KCNQ1OT1: variants seen among roughly 807,000 people sequenced by gnomAD.
KCNQ1OT1 encodes the protein KCNQ1 antisense RNA 2 (non-protein coding).
Position 2,668,431 on chromosome 11 carries a change from C to G in KCNQ1OT1, n.31564G>C, listed in dbSNP as rs1027937975. The G allele has an allele frequency of 7.5e-6, 3 of 398,520 alleles. No homozygotes were observed. The Admixed American group carries it at 1.3e-4, about 18-fold the overall frequency. The allele number at this position is 398,520 out of a possible 1,614,324, so 24.7% of individuals were successfully genotyped here. ...AATTTTCATTCCCACAGGCAGCATT[C>G]TGGCTGCTCCACATCCTAACACTTG... On this transcript the variant is annotated non_coding_transcript_exon_variant, in exon 1 of 1. Coordinates refer to ENST00000597346, the Ensembl canonical transcript of KCNQ1OT1. This position sits in a 1 kb window ranked among gnomAD's most constrained non-coding sequence, Gnocchi z 4.3.
Position 2,695,772 on chromosome 11 carries a change from C to T in KCNQ1OT1, n.4223G>A. The T allele has an allele frequency of 2.5e-6, 1 of 398,652 alleles. No individual in the cohort carries two copies. The highest frequency in any genetic ancestry group is 4.4e-6 in the Non-Finnish European group (1 of 226,070). The allele number at this position is 398,652 out of a possible 1,614,324, so 24.7% of individuals were successfully genotyped here. A position where few individuals can be genotyped will look rare whatever the true frequency, so the allele number is the denominator to read the frequency against. On this transcript the variant is annotated non_coding_transcript_exon_variant, in exon 1 of 1. Coordinates refer to ENST00000597346, the Ensembl canonical transcript of KCNQ1OT1. The surrounding 1 kb of genome is among the most constrained non-coding windows in gnomAD (Gnocchi z 5.2). Reference sequence around the variant, plus strand: ...CCTTCTGCCAACACTTGGCCTTATCCTACTTTCTAATGCTTCTCCTATGAA... The same window carrying T: ...CCTTCTGCCAACACTTGGCCTTATCTTACTTTCTAATGCTTCTCCTATGAA...
rs2133896867 is a variant in KCNQ1OT1, at chr11:2,695,256, C to G, written n.4739G>C. ...CTCTCTTCCTCTCCATGCTTTTCCA[C>G]TTCATCTCTAGCCTCTATCCTTGCT... On this transcript the variant is annotated non_coding_transcript_exon_variant, in exon 1 of 1. Coordinates refer to ENST00000597346, the Ensembl canonical transcript of KCNQ1OT1. This position sits in a 1 kb window ranked among gnomAD's most constrained non-coding sequence, Gnocchi z 5.2. 4 of 398,678 alleles carry G rather than the reference C, an allele frequency of 1.0e-5. No homozygotes were observed. The East Asian group carries it at 1.4e-4, about 14-fold the overall frequency. 24.7% of individuals were successfully genotyped at this position (398,678 alleles called of 1,614,324 possible).
At chr11:2,688,154 T>A (rs1850523777) in exon 1 of KCNQ1OT1, 1 of 398,472 alleles carries the variant, frequency 2.5e-6, no homozygotes, top group Non-Finnish European at 4.4e-6. Flanking sequence ...CCCACGCAGC[T>A]CCCTAGGCCT....
At chr11:2,619,725 T>G (rs1236745005) in exon 1 of KCNQ1OT1, 1 of 397,730 alleles carries the variant, frequency 2.5e-6, no homozygotes, top group African/African-American at 2.1e-5. Flanking sequence ...TTTTTTTTTT[T>G]GGAAGTATTC....
Position 2,651,690 on chromosome 11 carries a change from T to G in KCNQ1OT1, n.48305A>C, listed in dbSNP as rs1286211677. ...ATTAGCCACGTGGCCCTCTGTTTCC[T>G]GTAATAGGCCATTTCCTAAGTAAGC... is the stretch of plus-strand genomic sequence containing the variant. On this transcript the variant is annotated non_coding_transcript_exon_variant, in exon 1 of 1. Transcript: ENST00000597346. This position sits in a 1 kb window ranked among gnomAD's most constrained non-coding sequence, Gnocchi z 6.1. 2.5e-6 allele frequency: 1 copy of G among 398,552 alleles called. No individual in the cohort carries two copies. Among genetic ancestry groups the G allele is most frequent in the Non-Finnish European group, 4.4e-6 (1 of 226,082 alleles). The allele number at this position is 398,552 out of a possible 1,614,324, so 24.7% of individuals were successfully genotyped here.
rs1000383824 is a variant in KCNQ1OT1, at chr11:2,624,987, A to G, written n.75008T>C. 2.5e-6 allele frequency: 1 copy of G among 398,524 alleles called. No homozygotes were observed. Among genetic ancestry groups the G allele is most frequent in the Non-Finnish European group, 4.4e-6 (1 of 226,048 alleles). The allele number at this position is 398,524 out of a possible 1,614,324, so 24.7% of individuals were successfully genotyped here. A position where few individuals can be genotyped will look rare whatever the true frequency, so the allele number is the denominator to read the frequency against. On this transcript the variant is annotated non_coding_transcript_exon_variant, in exon 1 of 1. Transcript: ENST00000597346. This position sits in a 1 kb window ranked among gnomAD's most constrained non-coding sequence, Gnocchi z 4.9. ...CCACATTTTGCTTATCCATTCTTCC[A>G]TGGACATTTGGGTTGCATTGATGTT...
At chr11:2,631,139 T>C (rs1203726931) in exon 1 of KCNQ1OT1, 3 of 398,590 alleles carry the variant, frequency 7.5e-6, no homozygotes, top group African/African-American at 2.0e-5. Context: ...GCCCCAGATA[T>C]GGGAAGTTTT....
At chr11:2,681,327 C>T (rs1850392811) in exon 1 of KCNQ1OT1, 1 of 398,506 alleles carries the variant, frequency 2.5e-6, no homozygotes, top group Non-Finnish European at 4.4e-6. Context: ...CTCTCTCCAA[C>T]TGTGACCGTC....
chr11:2,697,748 A>G (rs760708798), exon 1 of KCNQ1OT1: 9 of 398,600 alleles, frequency 2.3e-5, no homozygotes, highest in Non-Finnish European at 4.0e-5. Flanking sequence ...TGTTTAATAC[A>G]TATTATTGGA....
exon 1 of KCNQ1OT1, chr11:2,643,171 G>T (rs1165426063): frequency 1.0e-5 from 4 of 398,102 alleles, no homozygotes; most frequent in Non-Finnish European, 1.8e-5. Flanking sequence ...ATGTCTGTTA[G>T]GTCCATTTGG....
At position 2,608,878 on chromosome 11, in the gene KCNQ1OT1, C is replaced by T. The variant is rs1848927554; in HGVS notation, n.91117G>A. 1 of 398,266 alleles carries T rather than the reference C, an allele frequency of 2.5e-6. No homozygotes were observed. The highest frequency in any genetic ancestry group is 4.4e-6 in the Non-Finnish European group (1 of 226,038). 24.7% of individuals were successfully genotyped at this position (398,266 alleles called of 1,614,324 possible). A position where few individuals can be genotyped will look rare whatever the true frequency, so the allele number is the denominator to read the frequency against. On this transcript the variant is annotated non_coding_transcript_exon_variant, in exon 1 of 1. Coordinates refer to ENST00000597346, the Ensembl canonical transcript of KCNQ1OT1. This position sits in a 1 kb window ranked among gnomAD's most constrained non-coding sequence, Gnocchi z 4.6. ...CTCTCCCCCTTTGCCTCATGCACTT[C>T]CCTCTCTGTCTTTCCTCCTCCCCCT...
chr11:2,648,465 T>C (rs759417391), exon 1 of KCNQ1OT1: 2 of 398,534 alleles, frequency 5.0e-6, no homozygotes, highest in Non-Finnish European at 8.8e-6. Context: ...TTTTGTATGC[T>C]GTGTTTCTAT....
At chr11:2,630,687 C>T (rs1849338407) in exon 1 of KCNQ1OT1, 3 of 398,350 alleles carry the variant, frequency 7.5e-6, no homozygotes, top group Non-Finnish European at 1.3e-5. Flanking sequence ...TTTGTACTTT[C>T]ATATGTTTTC....
At chr11:2,636,412 CA>C (rs1269480265) in exon 1 of KCNQ1OT1, 2 of 152,054 alleles carry the variant, frequency 1.3e-5, no homozygotes, top group South Asian at 4.1e-4. Flanking sequence ...TGAATTTTGT[CA>C]AAGGCCTTTT....
rs1323829975 is a variant in KCNQ1OT1 at position 2,679,917 on chromosome 11, A to C, written n.20078T>G. 2.0e-5 allele frequency: 8 copies of C among 397,408 alleles called. No individual in the cohort carries two copies. The East Asian group carries it at 2.5e-4, about 12-fold the overall frequency. 24.6% of individuals were successfully genotyped at this position (397,408 alleles called of 1,614,324 possible). A position where few individuals can be genotyped will look rare whatever the true frequency, so the allele number is the denominator to read the frequency against. ...TTTTTATTTTTATTTTTTTTGAGGCAGAGTCTCACTTTGTCACCTAGGCGG... is the reference window on the plus strand; with the variant it reads ...TTTTTATTTTTATTTTTTTTGAGGCCGAGTCTCACTTTGTCACCTAGGCGG... On this transcript the variant is annotated non_coding_transcript_exon_variant, in exon 1 of 1. Coordinates refer to ENST00000597346, the Ensembl canonical transcript of KCNQ1OT1. This position sits in a 1 kb window ranked among gnomAD's most constrained non-coding sequence, Gnocchi z 4.8.
At chr11:2,636,581 G>T (rs1290369424) in exon 1 of KCNQ1OT1, 9 of 152,062 alleles carry the variant, frequency 5.9e-5, no homozygotes, top group African/African-American at 1.7e-4. Flanking sequence ...GCTGGATTCG[G>T]TTTGCCAGTA....
In KCNQ1OT1 at chr11:2,610,716, C is replaced by CTTTTTTTTT. The variant is rs1167505141; in HGVS notation, n.89270_89278dup. Reference sequence around the variant, plus strand: ...TTCTGGACACAGTATTCTTGGTTGGCTTTTTTTTTTTTTTTTTTTTTTTTT... The same window carrying CTTTTTTTTT: ...TTCTGGACACAGTATTCTTGGTTGGCTTTTTTTTTTTTTTTTTTTTTTTTTTTTTTTTTT... On this transcript the variant is annotated non_coding_transcript_exon_variant, in exon 1 of 1. Coordinates refer to ENST00000597346, the Ensembl canonical transcript of KCNQ1OT1. The CTTTTTTTTT allele has an allele frequency of 7.3e-4, 168 of 229,916 alleles. 1 individual carries two copies. The highest frequency in any genetic ancestry group is 5.4e-3 in the East Asian group (89 of 16,444). 14.2% of individuals were successfully genotyped at this position (229,916 alleles called of 1,614,324 possible).
rs1188391079 is a variant in KCNQ1OT1, at chr11:2,623,575, C to T, written n.76420G>A. 7.5e-6 allele frequency: 3 copies of T among 398,330 alleles called. No homozygotes were observed. Among genetic ancestry groups the T allele is most frequent in the Admixed American group, 4.4e-5 (1 of 22,702 alleles). The allele number at this position is 398,330 out of a possible 1,614,324, so 24.7% of individuals were successfully genotyped here. ...ACATAGTAATATGTTTTTTAATTAC[C>T]TCCATATCTTTTCATGGCTTGATAG... On this transcript the variant is annotated non_coding_transcript_exon_variant, in exon 1 of 1. Coordinates refer to ENST00000597346, the Ensembl canonical transcript of KCNQ1OT1. This position sits in a 1 kb window ranked among gnomAD's most constrained non-coding sequence, Gnocchi z 5.2.
rs1388067738 is a variant in KCNQ1OT1, at chr11:2,673,979, G to GGGGGT, written n.26011_26015dup. ...CAGCCACAAGGGGATGCCCAGCATT[G>GGGGGT]GGGGTGGGGTGGGGGGAGGGCCCTC... On this transcript the variant is annotated non_coding_transcript_exon_variant, in exon 1 of 1. Coordinates refer to ENST00000597346, the Ensembl canonical transcript of KCNQ1OT1. The surrounding 1 kb of genome is among the most constrained non-coding windows in gnomAD (Gnocchi z 4.5). The GGGGGT allele has an allele frequency of 2.5e-4, 58 of 235,742 alleles. No homozygotes were observed. The highest frequency in any genetic ancestry group is 1.7e-3 in the Admixed American group (30 of 17,556). The allele number at this position is 235,742 out of a possible 1,614,324, so 14.6% of individuals were successfully genotyped here.
Sources: gnomAD v4.1 joint callset for allele counts on GRCh38, gnomAD v4.1.1 for gene constraint, Gnocchi (gnomAD v3.1) non-coding constraint, MANE v1.5 for transcripts, NCBI Gene and HGNC (gene_info 2026-07-23, HGNC 2026-07-21) for gene names.